The following ARB2A variants were observed in gnomAD, a reference collection of about 807,000 sequenced individuals.
ARB2A encodes the protein cotranscriptional regulator ARB2A.
the ARB2A span, among the ~76,000 whole-genome samples, chr5:93,721,574 A>C: frequency 6.6e-6 from 1 of 152,326 alleles, no homozygotes; most frequent in African/African-American, 2.4e-5. Flanking sequence ...ATACACATGA[A>C]TAATTATTTG....
the ARB2A span, among the ~76,000 whole-genome samples, chr5:93,904,817 T>C: frequency 6.6e-6 from 1 of 151,702 alleles, no homozygotes; most frequent in Non-Finnish European, 1.5e-5. Context: ...ATATGTCTAA[T>C]CTCTGGATAT....
At chr5:93,744,458 A>T in the ARB2A span, among the ~76,000 whole-genome samples, 2 of 150,740 alleles carry the variant, frequency 1.3e-5, no homozygotes, top group African/African-American at 2.4e-5. Context: ...AAAAAAAAAA[A>T]AAAAAAGTAA....
At chr5:93,951,418 G>C in the ARB2A span, among the ~76,000 whole-genome samples, 2 of 152,078 alleles carry the variant, frequency 1.3e-5, no homozygotes, top group South Asian at 4.1e-4. Context: ...CAATTTCCTG[G>C]AGAGTTTCTT....
At chr5:93,832,547 C>G in the ARB2A span, among the ~76,000 whole-genome samples, 2 of 152,140 alleles carry the variant, frequency 1.3e-5, no homozygotes, top group Non-Finnish European at 2.9e-5. Flanking sequence ...CATTCATTTC[C>G]TTAGCTGTGG....
the ARB2A span, among the ~76,000 whole-genome samples, chr5:93,912,445 T>C: frequency 2.0e-5 from 3 of 151,740 alleles, no homozygotes; most frequent in Admixed American, 6.6e-5. Flanking sequence ...ATTTTGAGTT[T>C]TTATTTCATT....
At chr5:94,005,263 G>T in the ARB2A span, among the ~76,000 whole-genome samples, 1 of 152,110 alleles carries the variant, frequency 6.6e-6, no homozygotes, top group African/African-American at 2.4e-5. Flanking sequence ...GAGTGCAGTG[G>T]CATGATCTCA....
chr5:93,772,679 CAA>C, the ARB2A span, among the ~76,000 whole-genome samples: 4 of 152,272 alleles, frequency 2.6e-5, no homozygotes, highest in East Asian at 7.7e-4. Context: ...GCAGTCATCT[CAA>C]AGAGCTCAAC....
the ARB2A span, among the ~76,000 whole-genome samples, chr5:93,721,051 T>A: frequency 5.3e-5 from 8 of 152,328 alleles, no homozygotes; most frequent in Non-Finnish European, 8.8e-5. Flanking sequence ...ATGAATAATA[T>A]AGTTTACTTT....
the ARB2A span, among the ~76,000 whole-genome samples, chr5:93,917,646 G>A: frequency 6.6e-6 from 1 of 152,142 alleles, no homozygotes; most frequent in African/African-American, 2.4e-5. Flanking sequence ...GGAAGGCAAA[G>A]GCGGGAGGAT....
chr5:93,736,058 T>C, the ARB2A span: 1 of 152,176 alleles, frequency 6.6e-6, no homozygotes, highest in African/African-American at 2.4e-5. Context: ...AGTGTGGAAT[T>C]CATTTCCACA....
chr5:93,731,981 CT>C, the ARB2A span, among the ~76,000 whole-genome samples: 1 of 152,144 alleles, frequency 6.6e-6, no homozygotes, highest in East Asian at 1.9e-4. Context: ...GGAAGAAAAC[CT>C]AAGTCCAAGG....
the ARB2A span, among the ~76,000 whole-genome samples, chr5:93,749,301 C>T: frequency 6.6e-6 from 1 of 152,122 alleles, no homozygotes; most frequent in South Asian, 2.1e-4. Flanking sequence ...GGCCATTGAT[C>T]ATGATGTGCA....
the ARB2A span, among the ~76,000 whole-genome samples, chr5:93,627,448 T>G: frequency 5.8e-4 from 86 of 148,810 alleles, 1 homozygote; most frequent in African/African-American, 1.2e-3. Context: ...GTTTTGTTTT[T>G]TTTTTTTTTT....
the ARB2A span, among the ~76,000 whole-genome samples, chr5:94,040,621 C>G: frequency 2.6e-5 from 4 of 151,494 alleles, no homozygotes; most frequent in East Asian, 2.0e-4. Flanking sequence ...TTTGTCCTTG[C>G]AATAGTTTGC....
At chr5:93,834,713 C>T in the ARB2A span, among the ~76,000 whole-genome samples, 2 of 151,918 alleles carry the variant, frequency 1.3e-5, no homozygotes, top group South Asian at 4.2e-4. Context: ...TACTAAAATC[C>T]CAATTTTATA....
the ARB2A span, among the ~76,000 whole-genome samples, chr5:93,667,390 T>C: frequency 6.6e-6 from 1 of 152,348 alleles, no homozygotes; most frequent in Non-Finnish European, 1.5e-5. Flanking sequence ...CAAACTCTTA[T>C]AGTGCCTAAA....
the ARB2A span, among the ~76,000 whole-genome samples, chr5:93,689,955 A>C: frequency 6.6e-6 from 1 of 152,106 alleles, no homozygotes; most frequent in African/African-American, 2.4e-5. Flanking sequence ...CAAGGGGTTG[A>C]AGAACTCCCT....
At chr5:94,106,126 A>G in the ARB2A span, among the ~76,000 whole-genome samples, 1 of 152,104 alleles carries the variant, frequency 6.6e-6, no homozygotes, top group Non-Finnish European at 1.5e-5. Context: ...ACAAAAATTG[A>G]AAAGAAAGAC....
At chr5:94,056,146 A>G in the ARB2A span, among the ~76,000 whole-genome samples, 3 of 152,212 alleles carry the variant, frequency 2.0e-5, no homozygotes, top group Non-Finnish European at 4.4e-5. Flanking sequence ...TTCAAAAATC[A>G]CCATACTGAT....
Sources: gnomAD v4.1 joint callset for allele counts (sites outside exome capture counted in the v4.1 genomes callset) on GRCh38, gnomAD v4.1.1 for gene constraint, MANE v1.5 for transcripts, NCBI Gene and HGNC (gene_info 2026-07-23, HGNC 2026-07-21) for gene names.